Variants in TARS1 observed in about 807,000 individuals in gnomAD.
The protein encoded by TARS1 is threonyl-tRNA synthetase 1, also known as threonine--tRNA ligase 1, cytoplasmic.
In TARS1, 57 loss-of-function variants were observed where a neutral mutation model predicts 97.7. The ratio of observed to expected loss-of-function variants is 0.58; its 90% confidence interval spans 0.47 to 0.73. The LOEUF (loss-of-function observed/expected upper bound fraction) is 0.73, where lower values mean the gene tolerates loss of function less well. Among genes scored for constraint, TARS1 ranks in the 30% least tolerant of loss-of-function variants. The pLI is 0.00. For synonymous variants in TARS1, 312 were observed against 293.7 expected, an observed-to-expected ratio of 1.06 and a Z score of -0.64; for missense variants, 806 against 888.3, an observed-to-expected ratio of 0.91 and a Z score of 1.18.
intron 18 of TARS1, 28 bp downstream of exon 18, chr5:33,467,013 T>C (rs1356563357): frequency 1.0e-5 from 15 of 1,455,834 alleles, no homozygotes; most frequent in Non-Finnish European, 1.4e-5. Context: ...CCAAAGAAAA[T>C]TTGCCACACC....
chr5:33,464,584 C>A (rs1328114402), intron 17 of TARS1, among the ~76,000 whole-genome samples: 1 of 152,062 alleles, frequency 6.6e-6, no homozygotes, highest in African/African-American at 2.4e-5. Flanking sequence ...GTCTTCAGAC[C>A]ATCAGAATAA....
rs184055243 is a variant in TARS1, at chr5:33,456,380, G to T, written c.837+153G>T. 5.3e-5 allele frequency among the ~76,000 whole-genome samples: 8 copies of T among 152,242 alleles called. No homozygotes were observed. The East Asian group carries it at 1.5e-3, about 29-fold the overall frequency. ...TTAACTGGGAGCTGTATGCCATCAG[G>T]ATTTTATAATTGAAATCCCTCAAGG... On this transcript the variant is annotated intron_variant, in intron 8 of 18. Coordinates refer to ENST00000265112, the MANE Select transcript of TARS1 (RefSeq NM_152295.5).
At chr5:33,465,013 C>G (rs1742466272) in intron 17 of TARS1, among the ~76,000 whole-genome samples, 1 of 152,014 alleles carries the variant, frequency 6.6e-6, no homozygotes, top group African/African-American at 2.4e-5. Context: ...TTGCAGTGAG[C>G]CAAGATCATG....
At chr5:33,444,793 A>G (rs1297724494) in intron 1 of TARS1, among the ~76,000 whole-genome samples, 1 of 152,074 alleles carries the variant, frequency 6.6e-6, no homozygotes, top group Non-Finnish European at 1.5e-5. Context: ...ATCTAATCGT[A>G]GCGTTACTAC....
chr5:33,457,604 C>G (rs1742093600), intron 9 of TARS1, among the ~76,000 whole-genome samples: 2 of 152,156 alleles, frequency 1.3e-5, no homozygotes, highest in African/African-American at 4.8e-5. Flanking sequence ...CAGTACCGCA[C>G]AAAAATGCAT....
In TARS1 at chr5:33,446,652, A is replaced by G. The variant is rs1266543326; in HGVS notation, c.138+1248A>G. ...CATCTCTGCAATCACAGAGACTGAC[A>G]CAGAGGGTATCTGCTGAATGAATGT... On this transcript the variant is annotated intron_variant, in intron 2 of 18. Transcript: ENST00000265112. The G allele has an allele frequency of 4.7e-6, 6 of 1,287,910 alleles. No individual in the cohort carries two copies. In the South Asian group the frequency reaches 7.4e-5, roughly 16 times the overall value. 79.8% of individuals were successfully genotyped at this position (1,287,910 alleles called of 1,614,324 possible).
upstream of TARS1, chr5:33,440,868 T>G (rs1741048316): frequency 5.3e-6 from 3 of 570,816 alleles, no homozygotes; most frequent in East Asian, 8.8e-5. Flanking sequence ...CCCGAAAAGA[T>G]TTTCCACTGG....
intron 3 of TARS1, among the ~76,000 whole-genome samples, chr5:33,450,643 G>T (rs766736286): frequency 2.6e-5 from 4 of 152,196 alleles, no homozygotes; most frequent in Non-Finnish European, 5.9e-5. Context: ...TTGAAGGTCA[G>T]GTTGATTAAT....
chr5:33,443,244 G>A (rs2111916239), intron 1 of TARS1, among the ~76,000 whole-genome samples: 1 of 151,518 alleles, frequency 6.6e-6, no homozygotes, highest in South Asian at 2.1e-4. Flanking sequence ...ACTTCTTTGA[G>A]CCAGTGTTCT....
chr5:33,455,151 AT>A, intron 5 of TARS1, 85 bp downstream of exon 5: 1 of 1,522,270 alleles, frequency 6.6e-7, no homozygotes, highest in Admixed American at 1.8e-5. Context: ...TAAGGGAGGA[AT>A]GATATAGATC....
chr5:33,445,475 C>T (rs561544600), intron 2 of TARS1, 71 bp downstream of exon 2: 2 of 1,328,730 alleles, frequency 1.5e-6, no homozygotes. Context: ...CTGAGACTTT[C>T]CTAATGTGTA....
At chr5:33,450,841 G>A (rs563416805) in intron 3 of TARS1, among the ~76,000 whole-genome samples, 7 of 152,322 alleles carry the variant, frequency 4.6e-5, no homozygotes, top group South Asian at 4.1e-4. Flanking sequence ...ATAGCTGGGC[G>A]TGTTGGCTCA....
intron 1 of TARS1, among the ~76,000 whole-genome samples, chr5:33,443,341 C>CTCTCTCTT (rs1741229923): frequency 1.3e-5 from 2 of 150,444 alleles, no homozygotes; most frequent in African/African-American, 5.0e-5. Context: ...CTCTCTCTCT[C>CTCTCTCTT]TCTCTCTCTC....
chr5:33,441,021 C>G lies in TARS1; in HGVS notation c.-66C>G. On this transcript the variant is annotated 5_prime_UTR_variant, in exon 1 of 19. Transcript: ENST00000265112. ...TCCCGGGCGCTAGCCCACCTCCCAC[C>G]CGCCTCTTGGCTCCTCTCCTCTAGG... 1 of 1,607,008 alleles carries G rather than the reference C, an allele frequency of 6.2e-7. No individual in the cohort carries two copies. The highest frequency in any genetic ancestry group is 8.5e-7 in the Non-Finnish European group (1 of 1,174,666).
chr5:33,452,375 G>T (rs1457319533), intron 3 of TARS1: 3 of 1,535,244 alleles, frequency 2.0e-6, no homozygotes, highest in East Asian at 2.4e-5. Context: ...CTCTTCACTT[G>T]CATCTCTGCT....
At chr5:33,444,481 C>T (rs187406606) in intron 1 of TARS1, among the ~76,000 whole-genome samples, 8 of 152,324 alleles carry the variant, frequency 5.3e-5, no homozygotes, top group East Asian at 1.9e-4. Context: ...TGTTTACATT[C>T]CTGGCACAGG....
Position 33,456,811 on chromosome 5 carries a change from C to T in TARS1, c.838-446C>T, listed in dbSNP as rs189900080. 4.8e-3 allele frequency among the ~76,000 whole-genome samples: 726 copies of T among 152,224 alleles called. 9 individuals are homozygous for T. Among genetic ancestry groups the T allele is most frequent in the African/African-American group, 0.017 (697 of 41,538 alleles). On this transcript the variant is annotated intron_variant, in intron 8 of 18. Transcript: ENST00000265112. ...GTGTAGAATGGGTCTCACTCTGTTG[C>T]CCCAAAAAGACAGAGTGGAGGACCA... is the stretch of plus-strand genomic sequence containing the variant.
In TARS1 at chr5:33,467,868, T is replaced by G. The variant is rs1334560183; in HGVS notation, c.*160T>G. ...GCGTAACTATTTTTGACCTAGTCAG[T>G]TTTTAAACAATGTGCATTTGAAGGA... is the stretch of plus-strand genomic sequence containing the variant. On this transcript the variant is annotated 3_prime_UTR_variant, in exon 19 of 19. Coordinates refer to ENST00000265112, the MANE Select transcript of TARS1 (RefSeq NM_152295.5). 1.5e-6 allele frequency: 1 copy of G among 663,072 alleles called. No homozygotes were observed. Among genetic ancestry groups the G allele is most frequent in the Non-Finnish European group, 2.4e-6 (1 of 421,426 alleles). 41.1% of individuals were successfully genotyped at this position (663,072 alleles called of 1,614,324 possible). A position where few individuals can be genotyped will look rare whatever the true frequency, so the allele number is the denominator to read the frequency against.
chr5:33,444,072 A>T (rs1741291527), intron 1 of TARS1, among the ~76,000 whole-genome samples: 1 of 152,230 alleles, frequency 6.6e-6, no homozygotes, highest in Non-Finnish European at 1.5e-5. Context: ...ATTTGATAAT[A>T]AAAAGGTACA....
Sources: allele counts gnomAD v4.1 joint callset (sites outside exome capture counted in the v4.1 genomes callset), GRCh38; gene constraint gnomAD v4.1.1; transcripts MANE v1.5; gene names NCBI Gene and HGNC (gene_info 2026-07-23, HGNC 2026-07-21).